Variants in TNRC6C observed in about 807,000 individuals in gnomAD.
TNRC6C encodes the protein trinucleotide repeat containing adaptor 6C.
Under a neutral mutation model 153.7 loss-of-function variants are expected in TNRC6C, and 20 were observed. That is an observed-to-expected ratio of 0.13 (90% CI 0.09 to 0.19). The LOEUF is 0.19. Among genes scored for constraint, TNRC6C ranks in the 10% least tolerant of loss-of-function variants. The pLI is 1.00. For missense variants in TNRC6C, 1,987 were observed against 2,172.0 expected (o/e 0.91, Z 1.69); for synonymous variants, 811 against 841.4 (o/e 0.96, Z 0.63).
chr17:78,091,391 G>A, intron 13 of TNRC6C, 49 bp from the exon 16 acceptor site: 1 of 1,487,786 alleles, frequency 6.7e-7, no homozygotes, highest in Non-Finnish European at 9.0e-7. Context: ...GCTTTAGAAT[G>A]AAGTCATTTA....
At chr17:78,017,806 G>A (rs564883794) in intron 1 of TNRC6C, among the ~76,000 whole-genome samples, 4 of 152,292 alleles carry the variant, frequency 2.6e-5, no homozygotes, top group East Asian at 3.9e-4. Context: ...CCATTTCAGG[G>A]CCTTCCCATG....
chr17:77,998,802 A>G (rs981639929), intron 1 of TNRC6C, among the ~76,000 whole-genome samples: 2 of 152,234 alleles, frequency 1.3e-5, no homozygotes. Flanking sequence ...AGTTGGCCAC[A>G]TAGTCTGGTT....
At chr17:77,967,402 G>C (rs555712241) in intron 1 of TNRC6C, among the ~76,000 whole-genome samples, 4 of 129,888 alleles carry the variant, frequency 3.1e-5, no homozygotes, top group Non-Finnish European at 6.3e-5. Flanking sequence ...CAAGTCATGC[G>C]GGGGGGGAGA....
chr17:77,963,304 C>T (rs1276111579), intron 1 of TNRC6C, among the ~76,000 whole-genome samples: 2 of 152,028 alleles, frequency 1.3e-5, no homozygotes, highest in Non-Finnish European at 2.9e-5. Context: ...TTGAATAACC[C>T]GATTAAAATA....
chr17:77,985,123 C>T (rs952736789), intron 1 of TNRC6C, among the ~76,000 whole-genome samples: 9 of 152,108 alleles, frequency 5.9e-5, no homozygotes, highest in African/African-American at 1.7e-4. Context: ...TCTGTTTTTG[C>T]GTAACAAATT....
At chr17:78,106,879 A>C (rs1367587835) in exon 20 of TNRC6C, 4 of 149,762 alleles carry the variant, frequency 2.7e-5, no homozygotes, top group African/African-American at 1.0e-4. Context: ...AAAACAAAAA[A>C]AATACAAAAA....
chr17:78,019,423 T>C (rs931367133), intron 1 of TNRC6C, among the ~76,000 whole-genome samples: 1 of 152,198 alleles, frequency 6.6e-6, no homozygotes, highest in African/African-American at 2.4e-5. Flanking sequence ...AAAAGCAAAA[T>C]GTGGGAATCT....
At chr17:77,963,165 A>T (rs1008266971) in intron 1 of TNRC6C, among the ~76,000 whole-genome samples, 2 of 152,242 alleles carry the variant, frequency 1.3e-5, no homozygotes, top group Non-Finnish European at 1.5e-5. Flanking sequence ...GCTTATACAT[A>T]ACTTTTTAGG....
upstream of TNRC6C, among the ~76,000 whole-genome samples, chr17:78,001,545 A>G (rs939012695): frequency 3.3e-5 from 5 of 152,222 alleles, no homozygotes; most frequent in African/African-American, 1.2e-4. Context: ...GCCATTAGAA[A>G]TAACAGATTG....
At chr17:78,014,611 T>A (rs1048291935) in intron 1 of TNRC6C, among the ~76,000 whole-genome samples, 2 of 150,270 alleles carry the variant, frequency 1.3e-5, no homozygotes, top group African/African-American at 4.9e-5. Context: ...TTGCTTTCTT[T>A]TAACATTCAT....
chr17:78,105,487 A>G lies in TNRC6C; in HGVS notation c.*642A>G, dbSNP rs188829031. 18 of 152,380 alleles carry G rather than the reference A, an allele frequency of 1.2e-4. No individual in the cohort carries two copies. The East Asian group carries it at 3.1e-3, about 26-fold the overall frequency. The allele number at this position is 152,380 out of a possible 1,614,324, so 9.4% of individuals were successfully genotyped here. A position where few individuals can be genotyped will look rare whatever the true frequency, so the allele number is the denominator to read the frequency against. On this transcript the variant is annotated 3_prime_UTR_variant, in exon 20 of 20. Transcript: ENST00000301624. ...TAAAAAAAGACATATCAAACATGCAAATACTTGAATCCAGCAGGCCAATAG... is the reference window on the plus strand; with the variant it reads ...TAAAAAAAGACATATCAAACATGCAGATACTTGAATCCAGCAGGCCAATAG...
At chr17:78,048,940 G>GT in exon 3 of TNRC6C, 1 of 1,309,114 alleles carries the variant, frequency 7.6e-7, no homozygotes, top group Non-Finnish European at 9.7e-7. Flanking sequence ...CTGGGATAAA[G>GT]TGATAATAGA....
chr17:78,049,981 G>C lies in TNRC6C; in HGVS notation c.919G>C (p.Gly307Arg), dbSNP rs780665451. 1 of 1,613,904 alleles carries C rather than the reference G, an allele frequency of 6.2e-7. No homozygotes were observed. The highest frequency in any genetic ancestry group is 2.2e-5 in the East Asian group (1 of 44,904). Reference sequence around the variant, plus strand: ...GGATTCAGGACCTCCTGCTGGTCCTGGAATACTCGCCTGGGGAAGGGGCAG... The same window carrying C: ...GGATTCAGGACCTCCTGCTGGTCCTCGAATACTCGCCTGGGGAAGGGGCAG... The change falls in exon 3 of 20, where the codon GGA becomes CGA. Residue 307 changes from glycine (G) to arginine (R), a missense_variant. By Grantham distance (125) the Gly-to-Arg change is moderately radical (BLOSUM62 -2). Around this residue, in one of 4 missense-constraint regions of TNRC6C, gnomAD observed 1,052 missense variants for 1,017.0 expected, o/e 1.03. Transcript: ENST00000301624. This position sits in a 1 kb window ranked among gnomAD's most constrained non-coding sequence, Gnocchi z 4.1.
chr17:77,999,854 C>T (rs1413763289), upstream of TNRC6C, among the ~76,000 whole-genome samples: 1 of 152,178 alleles, frequency 6.6e-6, no homozygotes, highest in Non-Finnish European at 1.5e-5. Flanking sequence ...GAGGGAGACT[C>T]TAAAGCCAGT....
At chr17:78,052,564 G>A (rs149276041) in intron 3 of TNRC6C, among the ~76,000 whole-genome samples, 10 of 152,302 alleles carry the variant, frequency 6.6e-5, no homozygotes, top group South Asian at 2.1e-4. Flanking sequence ...GTCTGCATGC[G>A]GGGGCCACTG....
intron 1 of TNRC6C, among the ~76,000 whole-genome samples, chr17:77,980,182 T>C (rs2071054855): frequency 1.3e-5 from 2 of 152,172 alleles, no homozygotes; most frequent in Non-Finnish European, 2.9e-5. Flanking sequence ...GTGAACTGTG[T>C]AAAACAGTAA....
At chr17:77,961,013 G>A (rs895040210) in intron 1 of TNRC6C, among the ~76,000 whole-genome samples, 3 of 152,152 alleles carry the variant, frequency 2.0e-5, no homozygotes, top group Non-Finnish European at 4.4e-5. Context: ...CAGGCCGTGA[G>A]AAATTGATAG....
At chr17:78,078,597 G>A (rs187033579) in intron 9 of TNRC6C, among the ~76,000 whole-genome samples, 2 of 152,244 alleles carry the variant, frequency 1.3e-5, no homozygotes, top group East Asian at 1.9e-4. Flanking sequence ...TGTTGCTGTT[G>A]TGTGTGAAAC....
intron 13 of TNRC6C, among the ~76,000 whole-genome samples, chr17:78,090,053 C>T (rs1567962363): frequency 6.6e-6 from 1 of 152,178 alleles, no homozygotes; most frequent in East Asian, 1.9e-4. Flanking sequence ...ACGAAAAGAA[C>T]CCACACAGCA....
Sources: allele counts gnomAD v4.1 joint callset (sites outside exome capture counted in the v4.1 genomes callset), GRCh38; gene constraint gnomAD v4.1.1; regional missense constraint gnomAD v4.1.1; non-coding constraint Gnocchi (gnomAD v3.1); transcripts MANE v1.5; gene names NCBI Gene and HGNC (gene_info 2026-07-23, HGNC 2026-07-21).